The following SMARCB1 variants were observed in gnomAD, a reference collection of about 807,000 sequenced individuals.
SMARCB1 encodes SWI/SNF related BAF chromatin remodeling complex subunit B1, also known as SWI/SNF-related matrix-associated actin-dependent regulator of chromatin subfamily B member 1.
A neutral mutation model predicts 49.0 loss-of-function variants in SMARCB1; 5 were observed. The ratio of observed to expected loss-of-function variants is 0.10; its 90% CI spans 0.05 to 0.21. The LOEUF is 0.21. Ranked by LOEUF, SMARCB1 falls within the 10% of genes least tolerant of loss-of-function variation. The pLI is 1.00. For synonymous variants in SMARCB1, 201 were observed against 200.1 expected (o/e 1.00, Z -0.04); for missense variants, 226 against 509.2 (o/e 0.44, Z 5.35).
chr22:23,801,100 A>G lies in SMARCB1; in HGVS notation c.500+19A>G, dbSNP rs2145979048. The G allele has an allele frequency of 1.2e-6, 2 of 1,613,994 alleles. No individual in the cohort carries two copies. The highest frequency in any genetic ancestry group is 8.5e-7 in the Non-Finnish European group (1 of 1,179,992). On this transcript the variant is annotated intron_variant, in intron 4 of 8. Coordinates refer to ENST00000644036, the MANE Select transcript of SMARCB1 (RefSeq NM_003073.5). ...CCCTTTGGTGTGGATGCATCGCTGC[A>G]CTCACCCTCCGTGCTGATTCCGCCT...
rs536032963 is a variant in SMARCB1, at chr22:23,834,771, GC to G, written c.*592del. Reference sequence around the variant, plus strand: ...GAGAAGAGTAGCTGTGAGGCTCAGGGCAAGAGGCTCTCTGCCTTTCAGGAAC... The same window carrying G: ...GAGAAGAGTAGCTGTGAGGCTCAGGGAAGAGGCTCTCTGCCTTTCAGGAAC... On this transcript the variant is annotated 3_prime_UTR_variant, in exon 9 of 9. Transcript: ENST00000644036. 7.0e-7 allele frequency: 1 copy of G among 1,436,002 alleles called. No individual in the cohort carries two copies. The highest frequency in any genetic ancestry group is 1.2e-5 in the South Asian group (1 of 80,510). 89.0% of individuals were successfully genotyped at this position (1,436,002 alleles called of 1,614,324 possible).
At chr22:23,797,113 C>G (rs2145971112) in intron 3 of SMARCB1, among the ~76,000 whole-genome samples, 1 of 148,728 alleles carries the variant, frequency 6.7e-6, no homozygotes, top group Non-Finnish European at 1.5e-5. Context: ...ATTCTCCTGC[C>G]TCAGCCTCCC....
chr22:23,819,530 C>T (rs5760054), intron 6 of SMARCB1, among the ~76,000 whole-genome samples: 104,626 of 151,804 alleles, frequency 0.69, 37,703 homozygotes, highest in Non-Finnish European at 0.8. Context: ...CGGGTTTCAC[C>T]ATGTTGGCCA....
intron 5 of SMARCB1, among the ~76,000 whole-genome samples, chr22:23,808,724 T>C (rs530492743): frequency 1.3e-5 from 2 of 148,758 alleles, no homozygotes; most frequent in East Asian, 4.0e-4. Context: ...TGAGACGGAG[T>C]TTCCGCTCTT....
At chr22:23,808,949 C>T (rs1052549153) in intron 5 of SMARCB1, among the ~76,000 whole-genome samples, 4 of 151,750 alleles carry the variant, frequency 2.6e-5, no homozygotes, top group African/African-American at 4.9e-5. Flanking sequence ...CACCCACCCT[C>T]GGCCTCCTAA....
At chr22:23,795,753 G>T (rs1928704388) in intron 3 of SMARCB1, among the ~76,000 whole-genome samples, 1 of 151,034 alleles carries the variant, frequency 6.6e-6, no homozygotes, top group South Asian at 2.1e-4. Context: ...AATTGGGGAA[G>T]GTGTGATAGA....
At chr22:23,820,221 G>A (rs945072686) in intron 6 of SMARCB1, among the ~76,000 whole-genome samples, 3 of 152,204 alleles carry the variant, frequency 2.0e-5, no homozygotes, top group East Asian at 3.9e-4. Flanking sequence ...TCTGACTTAG[G>A]TATCAGGGCA....
Position 23,836,010 on chromosome 22 carries a change from C to T in SMARCB1, c.*1830C>T, listed in dbSNP as rs919377255. On this transcript the variant is annotated 3_prime_UTR_variant, in exon 9 of 9. Coordinates refer to ENST00000644036, the MANE Select transcript of SMARCB1 (RefSeq NM_003073.5). ...AGGAGGCCCCGTGCCACTGAGCATCCAGAAATAAACCACAACATGGACAGG... is the reference window on the plus strand; with the variant it reads ...AGGAGGCCCCGTGCCACTGAGCATCTAGAAATAAACCACAACATGGACAGG... The T allele has an allele frequency of 9.1e-6, 9 of 985,480 alleles. No homozygotes were observed. The highest frequency in any genetic ancestry group is 9.6e-6 in the Non-Finnish European group (8 of 829,958). The allele number at this position is 985,480 out of a possible 1,614,324, so 61.0% of individuals were successfully genotyped here.
intron 7 of SMARCB1, among the ~76,000 whole-genome samples, chr22:23,829,717 T>C (rs770721042): frequency 8.5e-5 from 13 of 152,204 alleles, no homozygotes; most frequent in Non-Finnish European, 1.8e-4. Context: ...ACATTTAGAG[T>C]ATATAGTGCA....
At chr22:23,792,020 G>C (rs1928412924) in intron 2 of SMARCB1, 126 bp downstream of exon 2, 1 of 1,021,516 alleles carries the variant, frequency 9.8e-7, no homozygotes, top group Admixed American at 1.9e-5. Flanking sequence ...GAGCATCCCG[G>C]GGTGGGCCGC....
chr22:23,809,946 G>A (rs561425506), intron 5 of SMARCB1, among the ~76,000 whole-genome samples: 5 of 151,384 alleles, frequency 3.3e-5, no homozygotes, highest in East Asian at 2.0e-4. Flanking sequence ...CGAGGCGGGC[G>A]GATCACGAGG....
At chr22:23,822,441 C>T (rs1325182504) in intron 6 of SMARCB1, among the ~76,000 whole-genome samples, 5 of 152,172 alleles carry the variant, frequency 3.3e-5, no homozygotes, top group South Asian at 2.1e-4. Flanking sequence ...ACCTGGAGTC[C>T]AGCACTCCTC....
intron 5 of SMARCB1, chr22:23,815,507 C>T (rs1930138371): frequency 6.7e-6 from 1 of 149,258 alleles, no homozygotes; most frequent in Non-Finnish European, 1.5e-5. Flanking sequence ...GCACTCCATC[C>T]TGGGCGACAG....
intron 6 of SMARCB1, among the ~76,000 whole-genome samples, chr22:23,820,147 A>AT (rs1200973199): frequency 6.6e-6 from 1 of 151,904 alleles, no homozygotes; most frequent in Non-Finnish European, 1.5e-5. Flanking sequence ...TTTTTTGAGG[A>AT]TTTTTGCATC....
intron 7 of SMARCB1, among the ~76,000 whole-genome samples, chr22:23,830,451 G>C (rs985760009): frequency 1.3e-5 from 2 of 152,136 alleles, no homozygotes; most frequent in African/African-American, 4.8e-5. Context: ...TTTGGAGAAA[G>C]TGCTTTGCTA....
intron 6 of SMARCB1, chr22:23,817,196 G>A (rs1199880064): frequency 1.1e-5 from 6 of 569,114 alleles, no homozygotes; most frequent in Non-Finnish European, 1.9e-5. Flanking sequence ...AAGCCCGGAG[G>A]TCTAGAGGAG....
intron 3 of SMARCB1, among the ~76,000 whole-genome samples, chr22:23,794,690 G>A (rs944037552): frequency 2.6e-5 from 4 of 152,306 alleles, no homozygotes; most frequent in Middle Eastern, 6.8e-3. Flanking sequence ...CCTGAGGTCA[G>A]GAGTTAGAGA....
chr22:23,799,837 A>C (rs961832048), intron 3 of SMARCB1, among the ~76,000 whole-genome samples: 1 of 151,614 alleles, frequency 6.6e-6, no homozygotes, highest in African/African-American at 2.4e-5. Flanking sequence ...GGCGCCTGCC[A>C]CCACGCCCGG....
chr22:23,798,992 T>G (rs753009661), intron 3 of SMARCB1, among the ~76,000 whole-genome samples: 1 of 151,236 alleles, frequency 6.6e-6, no homozygotes, highest in Non-Finnish European at 1.5e-5. Context: ...AGACCTTGCA[T>G]TGAGCCCAGA....
Sources: gnomAD v4.1 joint callset for allele counts (sites outside exome capture counted in the v4.1 genomes callset) on GRCh38, gnomAD v4.1.1 for gene constraint, MANE v1.5 for transcripts, NCBI Gene and HGNC (gene_info 2026-07-23, HGNC 2026-07-21) for gene names.